PRKCB: variants seen among roughly 807,000 people sequenced by gnomAD.
PRKCB encodes the protein protein kinase C beta, also known as protein kinase C beta type.
A neutral mutation model predicts 81.5 loss-of-function variants in PRKCB; 13 were observed. That is an observed-to-expected ratio of 0.16 (90% CI 0.10 to 0.25). The LOEUF is 0.25. Among genes scored for constraint, PRKCB ranks in the 10% least tolerant of loss-of-function variants. The pLI, the probability that PRKCB is intolerant of heterozygous loss-of-function variation, is 1.00. For synonymous variants in PRKCB, 335 were observed against 321.4 expected (o/e 1.04, Z -0.45); for missense variants, 509 against 875.7 (o/e 0.58, Z 5.29).
At chr16:24,078,089 G>A (rs927930482) in intron 5 of PRKCB, among the ~76,000 whole-genome samples, 4 of 152,206 alleles carry the variant, frequency 2.6e-5, no homozygotes, top group African/African-American at 7.2e-5. Context: ...CAGAGCTGCC[G>A]ACAGACAGTT....
chr16:23,908,425 C>G (rs762193041), intron 2 of PRKCB, among the ~76,000 whole-genome samples: 2 of 152,116 alleles, frequency 1.3e-5, no homozygotes, highest in Non-Finnish European at 2.9e-5. Flanking sequence ...ACCACCTGAG[C>G]GTCCTCCCCA....
chr16:23,861,528 G>T (rs1962663655), intron 2 of PRKCB, among the ~76,000 whole-genome samples: 1 of 152,108 alleles, frequency 6.6e-6, no homozygotes, highest in Admixed American at 6.6e-5. Context: ...TGGTTCCAGG[G>T]TTGGTTTAAT....
chr16:23,941,610 G>T (rs929502068), intron 2 of PRKCB, among the ~76,000 whole-genome samples: 1 of 152,116 alleles, frequency 6.6e-6, no homozygotes, highest in African/African-American at 2.4e-5. Context: ...TTATTAGGAA[G>T]TCTATTAATA....
chr16:24,151,885 C>T (rs1283544640), intron 9 of PRKCB: 9 of 455,312 alleles, frequency 2.0e-5, no homozygotes, highest in South Asian at 1.4e-4. Context: ...GATGTCCACC[C>T]CTGTCCCTGG....
intron 2 of PRKCB, among the ~76,000 whole-genome samples, chr16:23,886,905 C>T (rs1208414535): frequency 6.6e-6 from 1 of 152,136 alleles, no homozygotes; most frequent in Non-Finnish European, 1.5e-5. Flanking sequence ...TGACTTAGTT[C>T]TCTACCTGTC....
intron 5 of PRKCB, among the ~76,000 whole-genome samples, chr16:24,061,930 A>AAAAAAAAAC (rs1567361049): frequency 8.2e-5 from 12 of 146,580 alleles, no homozygotes; most frequent in African/African-American, 1.0e-4. Context: ...AAAAAAAAAA[A>AAAAAAAAAC]AAACTTGAGG....
At chr16:23,931,282 G>C (rs2141756247) in intron 2 of PRKCB, among the ~76,000 whole-genome samples, 1 of 152,328 alleles carries the variant, frequency 6.6e-6, no homozygotes, top group African/African-American at 2.4e-5. Flanking sequence ...GGTGGGACCA[G>C]GACCAGAATT....
At chr16:24,184,362 G>A (rs931340593) in intron 13 of PRKCB, among the ~76,000 whole-genome samples, 12 of 151,752 alleles carry the variant, frequency 7.9e-5, no homozygotes, top group African/African-American at 2.9e-4. Context: ...GAGGTGCGAG[G>A]ATTGCTTGAG....
chr16:23,861,835 A>G (rs1962671350), intron 2 of PRKCB, among the ~76,000 whole-genome samples: 1 of 152,228 alleles, frequency 6.6e-6, no homozygotes, highest in Non-Finnish European at 1.5e-5. Context: ...TCTCCTTCAC[A>G]ATATCCTTGA....
At chr16:24,010,949 C>T (rs1567343270) in intron 3 of PRKCB, among the ~76,000 whole-genome samples, 2 of 152,178 alleles carry the variant, frequency 1.3e-5, no homozygotes, top group Non-Finnish European at 2.9e-5. Context: ...ACTGCAGCCT[C>T]TGCTTCCCAG....
chr16:23,855,530 G>T (rs1323958341), intron 2 of PRKCB, among the ~76,000 whole-genome samples: 1 of 152,150 alleles, frequency 6.6e-6, no homozygotes, highest in Non-Finnish European at 1.5e-5. Flanking sequence ...GTTCTTAAAT[G>T]TGCCCTTGTA....
intron 5 of PRKCB, among the ~76,000 whole-genome samples, chr16:24,054,252 C>T (rs1418240696): frequency 6.6e-6 from 1 of 152,200 alleles, no homozygotes; most frequent in African/African-American, 2.4e-5. Flanking sequence ...GCTGGGATTA[C>T]AGGTGTGAGC....
chr16:23,998,440 T>C (rs1470290970), intron 3 of PRKCB, among the ~76,000 whole-genome samples: 1 of 152,004 alleles, frequency 6.6e-6, no homozygotes, highest in Non-Finnish European at 1.5e-5. Context: ...CTTCCATGGA[T>C]TGAGAGTGGG....
intron 2 of PRKCB, among the ~76,000 whole-genome samples, chr16:23,929,180 T>C (rs551556852): frequency 1.3e-5 from 2 of 152,172 alleles, no homozygotes; most frequent in Admixed American, 1.3e-4. Flanking sequence ...TCCTTCACCA[T>C]GGCAGGAATC....
In PRKCB at chr16:24,183,421, G is replaced by A. The variant is rs535266761; in HGVS notation, c.1534-1690G>A. Among the ~76,000 whole-genome samples, 188 of 152,194 alleles carry A rather than the reference G, an allele frequency of 1.2e-3. 3 individuals are homozygous for A. Among genetic ancestry groups the A allele is most frequent in the Middle Eastern group, 6.8e-3 (2 of 294 alleles). On this transcript the variant is annotated intron_variant, in intron 13 of 16. Coordinates refer to ENST00000643927, the MANE Select transcript of PRKCB (RefSeq NM_002738.7). ...ATTAACTATGGTTACTGTGTTACAC[G>A]ATAAGTCTCTTGAATTTATTCCTGC... is the stretch of plus-strand genomic sequence containing the variant.
chr16:24,054,566 C>G (rs1965881809), intron 5 of PRKCB, among the ~76,000 whole-genome samples: 2 of 152,182 alleles, frequency 1.3e-5, no homozygotes, highest in Non-Finnish European at 2.9e-5. Flanking sequence ...TTTAGGGATA[C>G]TGGGGAAACC....
At chr16:24,167,024 A>T (rs1967357933) in intron 10 of PRKCB, among the ~76,000 whole-genome samples, 1 of 152,046 alleles carries the variant, frequency 6.6e-6, no homozygotes, top group Admixed American at 6.5e-5. Flanking sequence ...TCTCTCACTT[A>T]CTTCTCTCTC....
chr16:24,208,924 C>T lies in PRKCB; in HGVS notation c.1864-5734C>T, dbSNP rs536619484. Among the ~76,000 whole-genome samples, 5 of 152,274 alleles carry T rather than the reference C, an allele frequency of 3.3e-5. No homozygotes were observed. The South Asian group carries it at 6.2e-4, about 19-fold the overall frequency. ...GAAATCACGCTCCCTCTGTATCGCA[C>T]CCCCTTGGTTAATCCCTGTTCTTGT... On this transcript the variant is annotated intron_variant, in intron 16 of 16. Transcript: ENST00000643927.
intron 16 of PRKCB, among the ~76,000 whole-genome samples, chr16:24,194,372 CCT>C (rs1026769973): frequency 6.6e-6 from 1 of 151,380 alleles, no homozygotes; most frequent in Non-Finnish European, 1.5e-5. Context: ...AAAAAAAAAA[CCT>C]CACAATTTCT....
Sources: allele counts gnomAD v4.1 joint callset (sites outside exome capture counted in the v4.1 genomes callset), GRCh38; gene constraint gnomAD v4.1.1; transcripts MANE v1.5; gene names NCBI Gene and HGNC (gene_info 2026-07-23, HGNC 2026-07-21).